Variants in REXO1 observed in about 807,000 individuals in gnomAD.
The protein encoded by REXO1 is RNA exonuclease 1 homolog, also known as REX1, RNA exonuclease 1 homolog.
Under a neutral mutation model 102.6 loss-of-function variants are expected in REXO1, and 42 were observed. The ratio of observed to expected loss-of-function variants is 0.41; its 90% CI spans 0.32 to 0.53. The LOEUF is 0.53. REXO1 is among the 20% of genes least tolerant of loss of function. The pLI is 0.27. For missense variants in REXO1, 1,819 were observed against 1,732.5 expected, an observed-to-expected ratio of 1.05 and a Z score of -0.89; for synonymous variants, 908 against 779.1, an observed-to-expected ratio of 1.17 and a Z score of -2.76.
intron 3 of REXO1, 33 bp downstream of exon 3, chr19:1,825,806 G>T (rs750964629): frequency 1.4e-5 from 15 of 1,038,600 alleles, no homozygotes; most frequent in African/African-American, 5.2e-5. Flanking sequence ...AAAAAAAAAA[G>T]GCTCCTGCTG....
At chr19:1,817,572 G>A in intron 11 of REXO1, 135 bp downstream of exon 11, 1 of 1,445,322 alleles carries the variant, frequency 6.9e-7, no homozygotes, top group Non-Finnish European at 9.3e-7. Context: ...CGTTCTCTGG[G>A]TAACACAAGA....
rs1464528671 is a variant in REXO1 at position 1,815,705 on chromosome 19, C to T, written c.*361G>A. 4 of 1,360,884 alleles carry T rather than the reference C, an allele frequency of 2.9e-6. No individual in the cohort carries two copies. Among genetic ancestry groups the T allele is most frequent in the Non-Finnish European group, 3.8e-6 (4 of 1,051,448 alleles). The allele number at this position is 1,360,884 out of a possible 1,614,324, so 84.3% of individuals were successfully genotyped here. ...TCAAACAAACCTGGGACAAGCCCGC[C>T]CCGCGACCCACGTGAGGAGCAGAGG... On this transcript the variant is annotated 3_prime_UTR_variant, in exon 16 of 16. Coordinates refer to ENST00000170168, the MANE Select transcript of REXO1 (RefSeq NM_020695.4). This position sits in a 1 kb window ranked among gnomAD's most constrained non-coding sequence, Gnocchi z 4.0.
chr19:1,846,587 G>A (rs2011551769), intron 1 of REXO1, among the ~76,000 whole-genome samples: 3 of 152,198 alleles, frequency 2.0e-5, no homozygotes, highest in Admixed American at 2.0e-4. Flanking sequence ...GATGCAGACA[G>A]ATATCATAAG....
At chr19:1,821,464 G>A in intron 5 of REXO1, 55 bp downstream of exon 5, 1 of 1,606,958 alleles carries the variant, frequency 6.2e-7, no homozygotes, top group South Asian at 1.1e-5. Context: ...CATGTGGCCG[G>A]GCCTCAGGGC....
In REXO1 at chr19:1,818,855, C is replaced by T. The variant is rs748109022; in HGVS notation, c.2765-12G>A. The T allele has an allele frequency of 1.4e-5, 22 of 1,608,818 alleles. No homozygotes were observed. Among genetic ancestry groups the T allele is most frequent in the Middle Eastern group, 1.7e-4 (1 of 5,848 alleles). ...GTACAGGGCAGCCCCTGTGGACAGG[C>T]ACAGTGGTCAGCCCCTGCCTGGGAT... On this transcript the variant is annotated splice_polypyrimidine_tract_variant and intron_variant, in intron 8 of 15. Transcript: ENST00000170168.
chr19:1,847,875 C>T (rs1472278934), intron 1 of REXO1, among the ~76,000 whole-genome samples: 1 of 152,214 alleles, frequency 6.6e-6, no homozygotes, highest in Non-Finnish European at 1.5e-5. Context: ...CTGCCTAGCG[C>T]CGGCCGCGCC....
intron 10 of REXO1, 60 bp from the exon 11 acceptor site, chr19:1,817,840 G>T: frequency 7.2e-7 from 1 of 1,397,118 alleles, no homozygotes; most frequent in Non-Finnish European, 1.0e-6. Context: ...AGCCCCCGGG[G>T]CACTGACCAC....
At chr19:1,837,798 G>C (rs532887914) in intron 1 of REXO1, among the ~76,000 whole-genome samples, 7 of 152,202 alleles carry the variant, frequency 4.6e-5, no homozygotes, top group Non-Finnish European at 1.0e-4. Context: ...CCAGCAGGTG[G>C]AGCCACACGG....
chr19:1,838,305 G>A (rs1458823608), intron 1 of REXO1, among the ~76,000 whole-genome samples: 2 of 134,318 alleles, frequency 1.5e-5, no homozygotes, highest in African/African-American at 2.9e-5. Context: ...CAACAAGAAC[G>A]AAACTCCATC....
intron 3 of REXO1, 56 bp from the exon 4 acceptor site, chr19:1,823,841 C>T (rs927697209): frequency 1.7e-5 from 14 of 838,970 alleles, no homozygotes; most frequent in African/African-American, 8.8e-5. Context: ...CTGGAGCAGG[C>T]GACCCCGGGC....
chr19:1,836,228 G>A (rs1052270379), intron 1 of REXO1, among the ~76,000 whole-genome samples: 7 of 152,268 alleles, frequency 4.6e-5, no homozygotes, highest in South Asian at 2.1e-4. Context: ...AACCCCACAC[G>A]GAGACTGAAA....
chr19:1,823,736 G>A lies in REXO1; in HGVS notation c.2066C>T (p.Thr689Met), dbSNP rs543463550. The A allele has an allele frequency of 1.3e-5, 16 of 1,264,004 alleles. No individual in the cohort carries two copies. The highest frequency in any genetic ancestry group is 2.9e-4 in the Middle Eastern group (1 of 3,456). The allele number at this position is 1,264,004 out of a possible 1,614,324, so 78.3% of individuals were successfully genotyped here. A position where few individuals can be genotyped will look rare whatever the true frequency, so the allele number is the denominator to read the frequency against. The change falls in exon 4 of 16, where the codon ACG becomes ATG. Residue 689 changes from threonine (T) to methionine (M), a missense_variant. Physicochemically the swap from Thr to Met is moderately conservative, Grantham distance 81. Coordinates refer to ENST00000170168, the MANE Select transcript of REXO1 (RefSeq NM_020695.4). ...CCGCAGGTAGCACACCTCCTGCGCC[G>A]TCGGGGGCCGGGCCGGGGGCACCGC... ...GPAVPPARPP[T>M]AQEVCYLRAQ...
chr19:1,827,515 C>A lies in REXO1; in HGVS notation c.1274G>T (p.Arg425Leu). 6.3e-7 allele frequency: 1 copy of A among 1,582,824 alleles called. No homozygotes were observed. The highest frequency in any genetic ancestry group is 1.2e-5 in the South Asian group (1 of 86,868). ...KKGPQASSPR[R>L]KAERPEGTKK... ...GGTCCCTTCCGGCCGCTCTGCCTTGCGCCGGGGGCTGCTGGCCTGCGGGCC... is the reference window on the plus strand; with the variant it reads ...GGTCCCTTCCGGCCGCTCTGCCTTGAGCCGGGGGCTGCTGGCCTGCGGGCC... The change falls in exon 2 of 16, where the codon CGC becomes CTC. Residue 425 changes from arginine (R) to leucine (L), a missense_variant. By Grantham distance (102) the Arg-to-Leu change is moderately radical. Transcript: ENST00000170168.
chr19:1,843,379 G>A (rs1467072215), intron 1 of REXO1, among the ~76,000 whole-genome samples: 3 of 152,146 alleles, frequency 2.0e-5, no homozygotes, highest in Non-Finnish European at 2.9e-5. Flanking sequence ...CAGGCTCGCC[G>A]GCGAGGGCTG....
chr19:1,841,715 T>C (rs2011290560), intron 1 of REXO1, among the ~76,000 whole-genome samples: 1 of 152,052 alleles, frequency 6.6e-6, no homozygotes, highest in African/African-American at 2.4e-5. Flanking sequence ...CACAGGGCTC[T>C]GGGGGGAGCG....
intron 3 of REXO1, 87 bp from the exon 4 acceptor site, chr19:1,823,872 G>A (rs1226974287): frequency 1.3e-5 from 7 of 537,768 alleles, no homozygotes; most frequent in Non-Finnish European, 2.0e-5. Flanking sequence ...GAGGGTGGCT[G>A]GAGCTCGGGG....
At chr19:1,845,345 C>G (rs2011489817) in intron 1 of REXO1, among the ~76,000 whole-genome samples, 3 of 152,356 alleles carry the variant, frequency 2.0e-5, no homozygotes, top group Middle Eastern at 6.8e-3. Context: ...CTCCAAGCCA[C>G]CCTGGGCAGG....
chr19:1,837,759 G>C (rs149656118), intron 1 of REXO1, among the ~76,000 whole-genome samples: 1 of 152,196 alleles, frequency 6.6e-6, no homozygotes, highest in African/African-American at 2.4e-5. Context: ...TCCCCACCTC[G>C]ACAGCGCAGT....
chr19:1,817,712 C>T lies in REXO1; in HGVS notation c.3085G>A (p.Ala1029Thr), dbSNP rs765811525. 5.6e-6 allele frequency: 9 copies of T among 1,612,038 alleles called. No individual in the cohort carries two copies. The highest frequency in any genetic ancestry group is 1.6e-4 in the Middle Eastern group (1 of 6,074). The part of the protein sequence containing the change: ...AAAGSVGCQV[A>T]KQHVQDGRKE... ...ACTGGGACGCCAGGGCTCACCTTTG[C>T]GACTTGGCAGCCGACAGAGCCGGCG... The change falls in exon 11 of 16, where the codon GCA becomes ACA. Residue 1029 changes from alanine to threonine, a missense_variant. Transcript: ENST00000170168.
Sources: allele counts gnomAD v4.1 joint callset (sites outside exome capture counted in the v4.1 genomes callset), GRCh38; gene constraint gnomAD v4.1.1; non-coding constraint Gnocchi (gnomAD v3.1); transcripts MANE v1.5; gene names NCBI Gene and HGNC (gene_info 2026-07-23, HGNC 2026-07-21).